The following PAX8 variants were observed in gnomAD, a reference collection of about 807,000 sequenced individuals.
The protein encoded by PAX8 is paired box protein Pax-8.
PAX8 carries 15 observed loss-of-function variants against 52.4 expected under a neutral mutation model. The observed-to-expected ratio is 0.29, with a 90% confidence interval of 0.19 to 0.44. The LOEUF (loss-of-function observed/expected upper bound fraction) is 0.44, where lower values mean the gene tolerates loss of function less well. Ranked by LOEUF, PAX8 falls within the 20% of genes least tolerant of loss-of-function variation. The pLI is 1.00. For synonymous variants in PAX8, 284 were observed against 249.7 expected (o/e 1.14, Z -1.29); for missense variants, 554 against 602.5 (o/e 0.92, Z 0.84).
chr2:113,241,780 C>G (rs1324095480), intron 6 of PAX8, 54 bp from the exon 7 acceptor site: 3 of 1,594,648 alleles, frequency 1.9e-6, no homozygotes, highest in East Asian at 2.2e-5. Context: ...TATTCATGCT[C>G]TAGGCCAAAG....
chr2:113,244,180 G>A (rs1314912778), intron 4 of PAX8, among the ~76,000 whole-genome samples: 2 of 152,170 alleles, frequency 1.3e-5, no homozygotes, highest in African/African-American at 4.8e-5. Flanking sequence ...GGTGTTTGAG[G>A]AAGGAAACTG....
intron 10 of PAX8, among the ~76,000 whole-genome samples, chr2:113,222,766 T>C (rs1415125185): frequency 1.3e-5 from 2 of 152,070 alleles, no homozygotes; most frequent in African/African-American, 4.8e-5. Context: ...GCCTTCACCT[T>C]CTTATCCCTT....
chr2:113,277,812 C>CCGGCCTGCCCGGTGCT (rs1244243133), intron 2 of PAX8, among the ~76,000 whole-genome samples: 15 of 152,172 alleles, frequency 9.9e-5, no homozygotes, highest in Admixed American at 9.8e-4. Context: ...CGCGCGGCGC[C>CCGGCCTGCCCGGTGCT]CGGCCTGCCC....
At position 113,272,660 on chromosome 2, in the gene PAX8, C is replaced by G. The variant is rs564970329; in HGVS notation, c.25+5710G>C. ...TGTCATGCTCTGTACTCCTTCCCCA[C>G]GAAAGGAATGTCTAGAACTCCTGCT... On this transcript the variant is annotated intron_variant, in intron 2 of 11. Coordinates refer to ENST00000429538, the MANE Select transcript of PAX8 (RefSeq NM_003466.4). 5 of 152,296 alleles carry G rather than the reference C, an allele frequency of 3.3e-5. No homozygotes were observed. The South Asian group carries it at 1.0e-3, about 32-fold the overall frequency. The allele number at this position is 152,296 out of a possible 1,614,324, so 9.4% of individuals were successfully genotyped here.
intron 2 of PAX8, among the ~76,000 whole-genome samples, chr2:113,277,104 A>C (rs1373165149): frequency 6.6e-6 from 1 of 152,024 alleles, no homozygotes; most frequent in African/African-American, 2.4e-5. Context: ...CGCGCCGGGG[A>C]ATGGCTGCGA....
chr2:113,260,178 A>T (rs183021852), intron 2 of PAX8, among the ~76,000 whole-genome samples: 1 of 152,216 alleles, frequency 6.6e-6, no homozygotes, highest in Non-Finnish European at 1.5e-5. Context: ...CTTGCCCTTG[A>T]GAAACTTACA....
intron 3 of PAX8, among the ~76,000 whole-genome samples, chr2:113,246,104 T>C (rs527973612): frequency 6.6e-6 from 1 of 152,350 alleles, no homozygotes; most frequent in South Asian, 2.1e-4. Context: ...GGTCAGTGGT[T>C]CTCAACCCTG....
intron 4 of PAX8, 38 bp downstream of exon 4, chr2:113,244,389 G>A: frequency 6.5e-7 from 1 of 1,540,468 alleles, no homozygotes; most frequent in Non-Finnish European, 9.0e-7. Flanking sequence ...AAAGCCCAGG[G>A]GCCCCAGCCT....
At chr2:113,225,881 A>G (rs1689536183) in intron 10 of PAX8, 1 of 983,296 alleles carries the variant, frequency 1.0e-6, no homozygotes, top group Non-Finnish European at 1.2e-6. Context: ...CCACACTCTT[A>G]AAAAAATAAC....
chr2:113,228,605 A>G (rs922070379), intron 9 of PAX8, among the ~76,000 whole-genome samples: 2 of 152,264 alleles, frequency 1.3e-5, no homozygotes, highest in African/African-American at 4.8e-5. Flanking sequence ...AGCAGGAGGT[A>G]GTAAGGGCAA....
chr2:113,268,391 GA>G (rs1693232344), intron 2 of PAX8: 1 of 152,456 alleles, frequency 6.6e-6, no homozygotes, highest in Admixed American at 6.5e-5. Context: ...AGGGCTGTGG[GA>G]CCAGGGTCGG....
chr2:113,232,845 TG>T (rs1689976274), intron 9 of PAX8, among the ~76,000 whole-genome samples: 1 of 152,162 alleles, frequency 6.6e-6, no homozygotes, highest in African/African-American at 2.4e-5. Context: ...CTCCTTCAGC[TG>T]GTCTTGCCAA....
intron 2 of PAX8, among the ~76,000 whole-genome samples, chr2:113,252,568 A>G (rs1292404832): frequency 6.7e-6 from 1 of 148,456 alleles, no homozygotes; most frequent in Admixed American, 6.7e-5. Flanking sequence ...GACTGGGTAA[A>G]AGAGGCTGGC....
intron 2 of PAX8, among the ~76,000 whole-genome samples, chr2:113,252,914 C>T (rs1433310833): frequency 6.6e-6 from 1 of 152,250 alleles, no homozygotes; most frequent in Non-Finnish European, 1.5e-5. Context: ...CTTCCCTTGA[C>T]CATGATACTC....
At chr2:113,225,550 A>G (rs1213923247) in intron 10 of PAX8, 1 of 152,122 alleles carries the variant, frequency 6.6e-6, no homozygotes, top group East Asian at 1.9e-4. Context: ...TCCTTTGTGG[A>G]TTTCACTTGC....
chr2:113,228,823 C>T (rs1689732192), intron 9 of PAX8, among the ~76,000 whole-genome samples: 1 of 152,204 alleles, frequency 6.6e-6, no homozygotes, highest in Non-Finnish European at 1.5e-5. Context: ...TCCTTCATAC[C>T]TCAGCCCCTT....
Position 113,235,403 on chromosome 2 carries a change from G to A in PAX8, c.1078C>T (p.Leu360Phe), listed in dbSNP as rs1484062560. Residue 360 changes from leucine to phenylalanine, a missense_variant, in exon 9 of 12, where the codon CTC becomes TTC. Transcript: ENST00000429538. ...SVYGQFTGQA[L>F]LSGREMVGPT... ...GACCTCCCTGTCGTACCTGAGAGGA[G>A]GGCCTGGCCCGTGAACTGCCCGTAC... 1 of 1,582,512 alleles carries A rather than the reference G, an allele frequency of 6.3e-7. No homozygotes were observed. Among genetic ancestry groups the A allele is most frequent in the Non-Finnish European group, 8.6e-7 (1 of 1,164,300 alleles).
intron 9 of PAX8, among the ~76,000 whole-genome samples, chr2:113,231,806 G>A (rs1225011633): frequency 2.0e-5 from 3 of 152,112 alleles, no homozygotes; most frequent in Non-Finnish European, 4.4e-5. Flanking sequence ...TCGGCTCACC[G>A]CAACCTCCGC....
At chr2:113,240,057 A>G (rs1330884810) in intron 7 of PAX8, 2 of 152,284 alleles carry the variant, frequency 1.3e-5, no homozygotes, top group Admixed American at 1.3e-4. Context: ...TCTGGGACTC[A>G]GCGGGTGTCC....
Sources: allele counts gnomAD v4.1 joint callset (sites outside exome capture counted in the v4.1 genomes callset), GRCh38; gene constraint gnomAD v4.1.1; transcripts MANE v1.5; gene names NCBI Gene and HGNC (gene_info 2026-07-23, HGNC 2026-07-21).